The following NTNG1 variants were observed in gnomAD, a reference collection of about 807,000 sequenced individuals.
The protein encoded by NTNG1 is netrin G1, also known as netrin-G1.
In NTNG1, 16 loss-of-function variants were observed where a neutral mutation model predicts 54.0. The observed-to-expected ratio is 0.30, with a 90% CI of 0.20 to 0.45. The LOEUF (loss-of-function observed/expected upper bound fraction) is 0.45. Ranked by LOEUF, NTNG1 falls within the 20% of genes least tolerant of loss-of-function variation. The pLI, the probability that NTNG1 is intolerant of heterozygous loss-of-function variation, is 1.00. For synonymous variants in NTNG1, 255 were observed against 263.1 expected, an observed-to-expected ratio of 0.97 and a Z score of 0.30; for missense variants, 530 against 678.7, an observed-to-expected ratio of 0.78 and a Z score of 2.43.
intron 7 of NTNG1, among the ~76,000 whole-genome samples, chr1:107,458,341 C>T (rs887116113): frequency 6.6e-6 from 1 of 152,142 alleles, no homozygotes; most frequent in Admixed American, 6.5e-5. Context: ...AAGGAGATCT[C>T]TATCCATTAA....
At chr1:107,333,752 TTACTGC>T (rs1668415665) in intron 3 of NTNG1, among the ~76,000 whole-genome samples, 2 of 151,866 alleles carry the variant, frequency 1.3e-5, no homozygotes, top group African/African-American at 4.8e-5. Context: ...CCTTCCTATA[TTACTGC>T]TACTTTGGGT....
intron 2 of NTNG1, among the ~76,000 whole-genome samples, chr1:107,285,867 TTG>T (rs1415820692): frequency 6.6e-6 from 1 of 152,094 alleles, no homozygotes; most frequent in Non-Finnish European, 1.5e-5. Flanking sequence ...GAGCCTTCAT[TTG>T]TTGTTTTTCC....
intron 5 of NTNG1, among the ~76,000 whole-genome samples, chr1:107,426,861 A>T (rs1222309454): frequency 6.6e-6 from 1 of 152,044 alleles, no homozygotes; most frequent in Non-Finnish European, 1.5e-5. Context: ...TTCTCCTATC[A>T]GTGTTTTATA....
intron 3 of NTNG1, chr1:107,334,171 T>G (rs758788902): frequency 5.9e-5 from 9 of 151,980 alleles, no homozygotes; most frequent in Non-Finnish European, 1.2e-4. Context: ...TCATTTGCTT[T>G]GGAGGATATT....
chr1:107,203,911 T>C (rs763551427), intron 2 of NTNG1, among the ~76,000 whole-genome samples: 3 of 151,992 alleles, frequency 2.0e-5, no homozygotes, highest in Non-Finnish European at 2.9e-5. Context: ...ATTCTTATCA[T>C]TGACTCTTAC....
intron 7 of NTNG1, among the ~76,000 whole-genome samples, chr1:107,472,612 A>C (rs78177403): frequency 0.045 from 6,909 of 152,272 alleles, 275 homozygotes; most frequent in East Asian, 0.2. Flanking sequence ...AGTGAGACCC[A>C]GATCTCAGGT....
intron 1 of NTNG1, among the ~76,000 whole-genome samples, chr1:107,147,262 C>A (rs968645137): frequency 6.6e-6 from 1 of 152,092 alleles, no homozygotes; most frequent in Non-Finnish European, 1.5e-5. Context: ...TCACCCTCGG[C>A]TATTTTTATG....
At position 107,404,274 on chromosome 1, in the gene NTNG1, T is replaced by C. The variant is rs978505064; in HGVS notation, c.1061-3408T>C. On this transcript the variant is annotated intron_variant, in intron 4 of 7. Transcript: ENST00000370068. ...TAAACAGAAGATCCGAGAAAAAGAA[T>C]AGAAAGAAAATAGGCCAAACATTAA... 1.2e-4 allele frequency among the ~76,000 whole-genome samples: 18 copies of C among 151,890 alleles called. 1 individual carries two copies. Among genetic ancestry groups the C allele is most frequent in the African/African-American group, 4.1e-4 (17 of 41,374 alleles).
intron 2 of NTNG1, among the ~76,000 whole-genome samples, chr1:107,280,853 C>CTTATTTTATTTTATTTTATTTTATT (rs71275980): frequency 6.9e-6 from 1 of 145,150 alleles, no homozygotes; most frequent in African/African-American, 2.6e-5. Context: ...AGTCCTCTGA[C>CTTATTTTATTTTATTTTATTTTATT]TTATTTTATT....
intron 2 of NTNG1, among the ~76,000 whole-genome samples, chr1:107,256,804 T>C (rs1180266754): frequency 6.6e-6 from 1 of 152,168 alleles, no homozygotes; most frequent in Non-Finnish European, 1.5e-5. Flanking sequence ...AGAGAGCAAA[T>C]GAAGGATTTA....
intron 3 of NTNG1, among the ~76,000 whole-genome samples, chr1:107,366,062 G>A (rs1291499974): frequency 1.3e-5 from 2 of 152,120 alleles, no homozygotes; most frequent in East Asian, 3.9e-4. Context: ...AGCAGTTGAC[G>A]CAGATCTGTA....
At chr1:107,196,267 T>G (rs1658314890) in intron 2 of NTNG1, among the ~76,000 whole-genome samples, 2 of 152,006 alleles carry the variant, frequency 1.3e-5, no homozygotes, top group African/African-American at 4.8e-5. Flanking sequence ...CAGCTCTTGA[T>G]CTGTGGGCAA....
At chr1:107,439,778 G>A (rs571343) in intron 7 of NTNG1, among the ~76,000 whole-genome samples, 145,802 of 152,112 alleles carry the variant, frequency 0.96, 70,191 homozygotes, top group East Asian at 1. Context: ...AGCAATAACG[G>A]GGTAACACGT....
chr1:107,453,058 A>G (rs751628442), intron 7 of NTNG1, among the ~76,000 whole-genome samples: 2 of 152,202 alleles, frequency 1.3e-5, no homozygotes, highest in Non-Finnish European at 2.9e-5. Flanking sequence ...TGGATCTTCC[A>G]TTCACTGTGG....
intron 3 of NTNG1, among the ~76,000 whole-genome samples, chr1:107,348,429 G>A (rs1453493551): frequency 2.6e-5 from 4 of 151,994 alleles, no homozygotes; most frequent in Admixed American, 6.6e-5. Flanking sequence ...CCTGTCCCTG[G>A]TACTCTTCTT....
intron 5 of NTNG1, chr1:107,418,792 A>G (rs1674383735): frequency 1.7e-6 from 1 of 596,936 alleles, no homozygotes; most frequent in Non-Finnish European, 3.0e-6. Context: ...TCTAATATGA[A>G]GAGTGTCCCA....
At chr1:107,475,631 G>A (rs1189958667) in intron 7 of NTNG1, among the ~76,000 whole-genome samples, 1 of 152,132 alleles carries the variant, frequency 6.6e-6, no homozygotes, top group Non-Finnish European at 1.5e-5. Flanking sequence ...CTATCTTCCT[G>A]ATCTAGAAAT....
At chr1:107,273,098 T>C (rs1358416901) in intron 2 of NTNG1, among the ~76,000 whole-genome samples, 1 of 152,226 alleles carries the variant, frequency 6.6e-6, no homozygotes, top group Non-Finnish European at 1.5e-5. Context: ...CTATGAAGGC[T>C]GTCGATTTTT....
In NTNG1 at chr1:107,430,817, G is replaced by A; in HGVS notation, c.1155G>A (p.Val385=). The A allele has an allele frequency of 6.2e-7, 1 of 1,613,218 alleles. No homozygotes were observed. The highest frequency in any genetic ancestry group is 8.5e-7 in the Non-Finnish European group (1 of 1,179,590). ...ATCTGCTAAATACAGTCATTTGCGT[G>A]AGCTGTAAACACAACACTAGAGGGC... ...YIDLLNTVIC[V]SCKHNTRGQH... is the part of the protein sequence containing the mutation. The change falls in exon 6 of 8, where the codon GTG becomes GTA. Residue 385 remains valine, a synonymous_variant. Coordinates refer to ENST00000370068, the MANE Select transcript of NTNG1 (RefSeq NM_001113226.3).
Sources: gnomAD v4.1 joint callset for allele counts (sites outside exome capture counted in the v4.1 genomes callset) on GRCh38, gnomAD v4.1.1 for gene constraint, MANE v1.5 for transcripts, NCBI Gene and HGNC (gene_info 2026-07-23, HGNC 2026-07-21) for gene names.